The following ICAM2 variants were observed in gnomAD, a reference collection of about 807,000 sequenced individuals.
The protein encoded by ICAM2 is ICAM-2.
Under a neutral mutation model 19.1 loss-of-function variants are expected in ICAM2, and 14 were observed. The ratio of observed to expected loss-of-function variants is 0.73; its 90% CI spans 0.48 to 1.15. The LOEUF (loss-of-function observed/expected upper bound fraction) is 1.15. ICAM2 is among the 50% of genes most tolerant of loss of function. The pLI, the probability that ICAM2 is intolerant of heterozygous loss-of-function variation, is 0.00. For synonymous variants in ICAM2, 153 were observed against 152.7 expected (o/e 1.00, Z -0.01); for missense variants, 311 against 355.4 (o/e 0.88, Z 1.00).
intron 3 of ICAM2, chr17:64,004,782 C>A (rs575856629): frequency 2.3e-5 from 10 of 439,366 alleles, no homozygotes; most frequent in Non-Finnish European, 4.3e-5. Context: ...CTGATGGTGA[C>A]CCCACTACTT....
In ICAM2 at chr17:64,003,008, A is replaced by G. The variant is rs1292437258; in HGVS notation, c.650-83T>C. The G allele has an allele frequency of 2.2e-6, 3 of 1,348,496 alleles. No individual in the cohort carries two copies. The Admixed American group carries it at 6.4e-5, about 29-fold the overall frequency. The allele number at this position is 1,348,496 out of a possible 1,614,324, so 83.5% of individuals were successfully genotyped here. A position where few individuals can be genotyped will look rare whatever the true frequency, so the allele number is the denominator to read the frequency against. The stretch of plus-strand genomic sequence containing the variant: ...AAAAGGGAGTGGAAGTCCACCCCCA[A>G]CCCAGACCCCCAGACCCCGCCGCCC... On this transcript the variant is annotated intron_variant, in intron 4 of 4. Coordinates refer to ENST00000579788, the MANE Select transcript of ICAM2 (RefSeq NM_001099789.2).
chr17:64,016,940 T>G (rs573476996), intron 1 of ICAM2, among the ~76,000 whole-genome samples: 4 of 152,370 alleles, frequency 2.6e-5, no homozygotes, highest in African/African-American at 9.6e-5. Flanking sequence ...TTCAACACCC[T>G]TTTATGATAC....
intron 2 of ICAM2, 68 bp downstream of exon 2, chr17:64,006,563 G>T (rs1386883138): frequency 5.0e-6 from 7 of 1,387,692 alleles, no homozygotes; most frequent in Non-Finnish European, 7.1e-6. Flanking sequence ...TGAAGCCACA[G>T]GGAACAGGGC....
chr17:64,013,398 G>C (rs140665907), intron 1 of ICAM2, among the ~76,000 whole-genome samples: 3,352 of 152,272 alleles, frequency 0.022, 111 homozygotes, highest in African/African-American at 0.076. Flanking sequence ...CTACTTGGGA[G>C]GCTGAGGTGG....
chr17:64,003,535 G>C, intron 4 of ICAM2, 109 bp downstream of exon 4: 1 of 974,728 alleles, frequency 1.0e-6, no homozygotes, highest in Non-Finnish European at 1.6e-6. Context: ...TCAGGATGAA[G>C]GGTGGGCTCC....
intron 1 of ICAM2, among the ~76,000 whole-genome samples, chr17:64,007,986 A>G (rs1911290330): frequency 6.6e-6 from 1 of 152,018 alleles, no homozygotes; most frequent in South Asian, 2.1e-4. Flanking sequence ...TCTCAGGGGA[A>G]CCCCTGATGG....
At chr17:64,014,130 G>T (rs565689002) in intron 1 of ICAM2, among the ~76,000 whole-genome samples, 3 of 151,832 alleles carry the variant, frequency 2.0e-5, no homozygotes, top group Non-Finnish European at 2.9e-5. Context: ...TCTGCGAGGC[G>T]CAAAAGTTGT....
intron 1 of ICAM2, among the ~76,000 whole-genome samples, chr17:64,008,974 TC>T (rs1911335006): frequency 6.6e-6 from 1 of 152,148 alleles, no homozygotes. Context: ...CTGTGATGTC[TC>T]CCATCCTTCC....
chr17:64,017,609 T>C (rs1911765422), intron 1 of ICAM2, among the ~76,000 whole-genome samples: 1 of 152,136 alleles, frequency 6.6e-6, no homozygotes, highest in Non-Finnish European at 1.5e-5. Flanking sequence ...AAGGTTTATA[T>C]GGAAGAACAA....
intron 1 of ICAM2, among the ~76,000 whole-genome samples, chr17:64,015,416 T>G (rs1779545283): frequency 6.6e-6 from 1 of 152,154 alleles, no homozygotes; most frequent in Non-Finnish European, 1.5e-5. Context: ...GTTCTATAAC[T>G]ATTAAAGAAA....
At position 64,003,770 on chromosome 17, in the gene ICAM2, A is replaced by T. The variant is rs1364456131; in HGVS notation, c.523T>A (p.Phe175Ile). ...APAPQEATAT[F>I]NSTADREDGH... ...TCCTCTCTGTCAGCCGTGCTGTTGA[A>T]TGTGGCTGTGGCCTCCTGCGGAGCA... Residue 175 changes from phenylalanine (F) to isoleucine (I), a missense_variant, in exon 4 of 5, where the codon TTC becomes ATC. Phe to Ile is a conservative substitution (Grantham distance 21). Coordinates refer to ENST00000579788, the MANE Select transcript of ICAM2 (RefSeq NM_001099789.2). 1.2e-6 allele frequency: 2 copies of T among 1,614,264 alleles called. No homozygotes were observed. Among genetic ancestry groups the T allele is most frequent in the Non-Finnish European group, 1.7e-6 (2 of 1,180,042 alleles).
At position 64,008,939 on chromosome 17, in the gene ICAM2, C is replaced by T. The variant is rs59004182; in HGVS notation, c.-44-2204G>A. Among the ~76,000 whole-genome samples the T allele has an allele frequency of 7.5e-3, 1,137 of 152,318 alleles. 15 individuals carry two copies. Among genetic ancestry groups the T allele is most frequent in the African/African-American group, 0.026 (1,100 of 41,568 alleles). ...CAACGTCCTCCCCGAAAGCACAGGC[C>T]CCAGTTCCTACCCCCCATCTCCTCC... On this transcript the variant is annotated intron_variant, in intron 1 of 4. Transcript: ENST00000579788.
At chr17:64,016,549 T>A (rs1034028823) in intron 1 of ICAM2, among the ~76,000 whole-genome samples, 2 of 152,212 alleles carry the variant, frequency 1.3e-5, no homozygotes, top group Non-Finnish European at 2.9e-5. Context: ...TAGAATGCGA[T>A]CCTTACCCAG....
At chr17:64,019,046 G>C (rs1242066535) in intron 1 of ICAM2, among the ~76,000 whole-genome samples, 1 of 152,030 alleles carries the variant, frequency 6.6e-6, no homozygotes, top group Non-Finnish European at 1.5e-5. Context: ...GTGTGACCTT[G>C]AGCAAATCAC....
intron 4 of ICAM2, 28 bp from the exon 5 acceptor site, chr17:64,002,953 G>T (rs909860901): frequency 1.3e-6 from 2 of 1,597,498 alleles, no homozygotes; most frequent in African/African-American, 2.7e-5. Flanking sequence ...AAGGGTCTTA[G>T]ACGTCCTGTG....
intron 4 of ICAM2, 189 bp from the exon 5 acceptor site, chr17:64,003,114 G>T: frequency 1.7e-6 from 1 of 575,768 alleles, no homozygotes; most frequent in Non-Finnish European, 3.1e-6. Context: ...CTGGAAAAAA[G>T]GTGGCCCAGG....
In ICAM2 at chr17:64,003,055, C is replaced by A. The variant is rs571862063; in HGVS notation, c.650-130G>T. The A allele has an allele frequency of 1.6e-4, 113 of 707,226 alleles. No homozygotes were observed. The African/African-American group carries it at 1.7e-3, about 11-fold the overall frequency. 43.8% of individuals were successfully genotyped at this position (707,226 alleles called of 1,614,324 possible). On this transcript the variant is annotated intron_variant, in intron 4 of 4. Transcript: ENST00000579788. ...GCCCGCTCATGCATCCAGCAGTCACCCCAGTTGCAGAGATGAGTGGTGAAT... is the reference window on the plus strand; with the variant it reads ...GCCCGCTCATGCATCCAGCAGTCACACCAGTTGCAGAGATGAGTGGTGAAT...
At position 64,005,351 on chromosome 17, in the gene ICAM2, C is replaced by A; in HGVS notation, c.84G>T (p.Glu28Asp). 1 of 1,613,882 alleles carries A rather than the reference C, an allele frequency of 6.2e-7. No individual in the cohort carries two copies. Among genetic ancestry groups the A allele is most frequent in the Middle Eastern group, 1.7e-4 (1 of 6,060 alleles). ...CCAGCTTCTTTGGCCTCACGTGTAC[C>A]TCGAATACCTTCTCATCCGATCCTG... ...CCPGSDEKVFEVHVRPKKLAV... is the reference protein window; with the variant it reads ...CCPGSDEKVFDVHVRPKKLAV... The change falls in exon 3 of 5, where the codon GAG becomes GAT. Residue 28 changes from glutamate to aspartate, a missense_variant. By Grantham distance (45) the Glu-to-Asp change is conservative. Coordinates refer to ENST00000579788, the MANE Select transcript of ICAM2 (RefSeq NM_001099789.2).
At position 64,003,632 on chromosome 17, in the gene ICAM2, A is replaced by AT. The variant is rs758483306; in HGVS notation, c.649+11dup. ...TTATCACTCCCAACTCCATCCACGG[A>AT]TCCCCCCTCACCATAGATCTCCAAC... On this transcript the variant is annotated intron_variant, in intron 4 of 4. Transcript: ENST00000579788. 32 of 1,605,926 alleles carry AT rather than the reference A, an allele frequency of 2.0e-5. No homozygotes were observed. Among genetic ancestry groups the AT allele is most frequent in the Non-Finnish European group, 2.6e-5 (30 of 1,174,862 alleles).
Sources: gnomAD v4.1 joint callset for allele counts (sites outside exome capture counted in the v4.1 genomes callset) on GRCh38, gnomAD v4.1.1 for gene constraint, MANE v1.5 for transcripts, NCBI Gene and HGNC (gene_info 2026-07-23, HGNC 2026-07-21) for gene names.